FSTL5: variants seen among roughly 807,000 people sequenced by gnomAD.
FSTL5 encodes the protein follistatin-related protein 5.
In FSTL5, 62 loss-of-function variants were observed where a neutral mutation model predicts 89.1. The ratio of observed to expected loss-of-function variants is 0.70; its 90% confidence interval spans 0.57 to 0.86. The LOEUF (loss-of-function observed/expected upper bound fraction) is 0.86, where lower values mean the gene tolerates loss of function less well. FSTL5 is among the 40% of genes least tolerant of loss of function. FSTL5 has a pLI of 0.00. For synonymous variants in FSTL5, 383 were observed against 346.2 expected, an observed-to-expected ratio of 1.11 and a Z score of -1.18; for missense variants, 1,057 against 1,001.6, an observed-to-expected ratio of 1.06 and a Z score of -0.75.
intron 15 of FSTL5, among the ~76,000 whole-genome samples, chr4:161,429,615 C>A (rs750747369): frequency 2.6e-5 from 4 of 152,224 alleles, no homozygotes; most frequent in African/African-American, 9.6e-5. Context: ...AAGGCAGTAA[C>A]TTTCTGAGTC....
intron 13 of FSTL5, among the ~76,000 whole-genome samples, chr4:161,466,214 TCTTTTGTTGCTATCTAAACTCC>T (rs1176747023): frequency 6.6e-6 from 1 of 152,224 alleles, no homozygotes. Context: ...ATTTTTTATT[TCTTTTGTTGCTATCTAAACTCC>T]CTCACAATCC....
chr4:162,144,515 G>A (rs1732893639), intron 1 of FSTL5, among the ~76,000 whole-genome samples: 1 of 152,106 alleles, frequency 6.6e-6, no homozygotes, highest in Non-Finnish European at 1.5e-5. Context: ...AATACAGAGT[G>A]TGTGATTAGT....
intron 6 of FSTL5, among the ~76,000 whole-genome samples, chr4:161,667,858 A>G (rs1736957073): frequency 6.6e-6 from 1 of 152,042 alleles, no homozygotes; most frequent in Non-Finnish European, 1.5e-5. Context: ...TCCTTCATTT[A>G]ATAGGTGAGA....
chr4:162,069,507 T>C (rs1561002289), intron 2 of FSTL5, among the ~76,000 whole-genome samples: 1 of 151,934 alleles, frequency 6.6e-6, no homozygotes, highest in Non-Finnish European at 1.5e-5. Flanking sequence ...TTAGCTGTAA[T>C]TTTTGGTTTG....
chr4:161,428,588 G>A (rs944435973), intron 15 of FSTL5, among the ~76,000 whole-genome samples: 3 of 152,128 alleles, frequency 2.0e-5, no homozygotes, highest in Non-Finnish European at 2.9e-5. Flanking sequence ...CCAGGCCCTC[G>A]CTCCTGGATG....
chr4:161,437,565 C>CAAAAAAA lies in FSTL5; in HGVS notation c.1841+17432_1841+17438dup, dbSNP rs56229701. Among the ~76,000 whole-genome samples, 191 of 68,088 alleles carry CAAAAAAA rather than the reference C, an allele frequency of 2.8e-3. 11 individuals are homozygous for CAAAAAAA. Among genetic ancestry groups the CAAAAAAA allele is most frequent in the South Asian group, 7.5e-3 (12 of 1,610 alleles). 44.7% of individuals were successfully genotyped at this position (68,088 alleles called of 152,430 possible). ...CTGGTGACAGAGTGAGACTCCGTCTCAAAAAAAAAAAAAAAAACGAGGTCA... is the reference window on the plus strand; with the variant it reads ...CTGGTGACAGAGTGAGACTCCGTCTCAAAAAAAAAAAAAAAAAAAAAAAACGAGGTCA... On this transcript the variant is annotated intron_variant, in intron 15 of 15. Coordinates refer to ENST00000306100, the MANE Select transcript of FSTL5 (RefSeq NM_020116.5).
chr4:161,801,851 G>C (rs909986079), intron 4 of FSTL5, among the ~76,000 whole-genome samples: 1 of 151,508 alleles, frequency 6.6e-6, no homozygotes, highest in African/African-American at 2.4e-5. Context: ...AGAGATTCCA[G>C]TTGTGTCTCT....
intron 4 of FSTL5, among the ~76,000 whole-genome samples, chr4:161,887,423 CTATCATCTAT>C: frequency 3.3e-5 from 1 of 30,728 alleles, no homozygotes; most frequent in African/African-American, 8.8e-5. Flanking sequence ...ATCTATCTAT[CTATCATCTAT>C]CTACCTATCA....
intron 1 of FSTL5, among the ~76,000 whole-genome samples, chr4:162,146,325 T>G (rs922672301): frequency 6.6e-6 from 1 of 152,188 alleles, no homozygotes; most frequent in African/African-American, 2.4e-5. Flanking sequence ...GTGAATCTAT[T>G]CCAACAGAAG....
At chr4:161,744,594 C>A (rs1170464271) in intron 6 of FSTL5, among the ~76,000 whole-genome samples, 1 of 152,044 alleles carries the variant, frequency 6.6e-6, no homozygotes, top group Non-Finnish European at 1.5e-5. Context: ...AGGAATTCAT[C>A]CACTGCTAAC....
At position 161,528,634 on chromosome 4, in the gene FSTL5, T is replaced by C. The variant is rs1227990602; in HGVS notation, c.1312+9532A>G. On this transcript the variant is annotated intron_variant, in intron 10 of 15. Transcript: ENST00000306100. ...CCCCAGAGTTTGGGCATTTCAAAGA[T>C]ACATTTGTTTTGTTAACTCTTTGCA... Among the ~76,000 whole-genome samples the C allele has an allele frequency of 2.1e-5, 3 of 143,376 alleles. 1 individual carries two copies. The highest frequency in any genetic ancestry group is 4.6e-5 in the Non-Finnish European group (3 of 65,292). The allele number at this position is 143,376 out of a possible 152,430, so 94.1% of individuals were successfully genotyped here.
At chr4:162,158,798 A>AT (rs1733581441) in intron 1 of FSTL5, among the ~76,000 whole-genome samples, 2 of 152,080 alleles carry the variant, frequency 1.3e-5, no homozygotes, top group African/African-American at 4.8e-5. Context: ...ATATATATGA[A>AT]TACCTATTAA....
chr4:161,730,693 T>C lies in FSTL5; in HGVS notation c.727+28718A>G, dbSNP rs1054385184. Reference sequence around the variant, plus strand: ...TAGTCCTTTCTCTGAAATGATACAGTGTCCATTACCCAGAATGCAGGGTCT... The same window carrying C: ...TAGTCCTTTCTCTGAAATGATACAGCGTCCATTACCCAGAATGCAGGGTCT... On this transcript the variant is annotated intron_variant, in intron 6 of 15. Transcript: ENST00000306100. 5.9e-5 allele frequency among the ~76,000 whole-genome samples: 9 copies of C among 152,184 alleles called. No individual in the cohort carries two copies. The South Asian group carries it at 1.2e-3, about 21-fold the overall frequency.
intron 6 of FSTL5, among the ~76,000 whole-genome samples, chr4:161,733,165 T>C (rs1183471419): frequency 2.0e-5 from 3 of 151,960 alleles, no homozygotes; most frequent in African/African-American, 7.2e-5. Context: ...CTCATAAAAA[T>C]TGGCCTTTGT....
At chr4:161,793,810 T>C (rs978045298) in intron 4 of FSTL5, among the ~76,000 whole-genome samples, 8 of 152,106 alleles carry the variant, frequency 5.3e-5, no homozygotes. Flanking sequence ...GGTTTCACCA[T>C]GTTGGCCAAG....
At chr4:161,605,687 GA>G (rs1734414957) in intron 7 of FSTL5, among the ~76,000 whole-genome samples, 1 of 152,166 alleles carries the variant, frequency 6.6e-6, no homozygotes, top group South Asian at 2.1e-4. Context: ...CCAAATGACT[GA>G]AAATTGAAAT....
chr4:161,608,398 T>A (rs897067573), intron 7 of FSTL5, among the ~76,000 whole-genome samples: 1 of 152,102 alleles, frequency 6.6e-6, no homozygotes, highest in African/African-American at 2.4e-5. Context: ...ATTTAAGATG[T>A]TCTGGAGTTC....
chr4:161,727,490 C>A (rs1739462738), intron 6 of FSTL5, among the ~76,000 whole-genome samples: 1 of 152,132 alleles, frequency 6.6e-6, no homozygotes, highest in Non-Finnish European at 1.5e-5. Flanking sequence ...TAGAGTGAAG[C>A]TGGTCAATTT....
intron 8 of FSTL5, among the ~76,000 whole-genome samples, chr4:161,553,974 G>A (rs1732302180): frequency 6.6e-6 from 1 of 151,434 alleles, no homozygotes; most frequent in Admixed American, 6.6e-5. Flanking sequence ...AGCATCAAAT[G>A]TAAATAATCA....
Sources: allele counts gnomAD v4.1 joint callset (sites outside exome capture counted in the v4.1 genomes callset), GRCh38; gene constraint gnomAD v4.1.1; transcripts MANE v1.5; gene names NCBI Gene and HGNC (gene_info 2026-07-23, HGNC 2026-07-21).